Variants in CREB5 observed in about 807,000 individuals in gnomAD.
The protein encoded by CREB5 is cyclic AMP-responsive element-binding protein 5.
Under a neutral mutation model 57.1 loss-of-function variants are expected in CREB5, and 19 were observed. The ratio of observed to expected loss-of-function variants is 0.33; its 90% CI spans 0.23 to 0.49. The LOEUF (loss-of-function observed/expected upper bound fraction) is 0.49, where lower values mean the gene tolerates loss of function less well. Among genes scored for constraint, CREB5 ranks in the 20% least tolerant of loss-of-function variants. The probability of loss-of-function intolerance (pLI) is 0.99; values close to 1 mark genes in which losing one functional copy is unlikely to be tolerated. For missense variants in CREB5, 579 were observed against 671.6 expected (o/e 0.86, Z 1.52); for synonymous variants, 238 against 238.3 (o/e 1.00, Z 0.01).
chr7:28,668,112 T>G (rs900159265), intron 5 of CREB5, among the ~76,000 whole-genome samples: 1 of 152,168 alleles, frequency 6.6e-6, no homozygotes, highest in Non-Finnish European at 1.5e-5. Flanking sequence ...TTTAAGTCTC[T>G]TATAAACTCT....
At chr7:28,505,861 C>T (rs1053949241) in intron 3 of CREB5, among the ~76,000 whole-genome samples, 2 of 152,176 alleles carry the variant, frequency 1.3e-5, no homozygotes, top group African/African-American at 4.8e-5. Flanking sequence ...TATAAACACA[C>T]AATAGTTATA....
intron 7 of CREB5, among the ~76,000 whole-genome samples, chr7:28,800,851 GA>G (rs1401576108): frequency 1.3e-5 from 2 of 152,160 alleles, no homozygotes; most frequent in Non-Finnish European, 2.9e-5. Flanking sequence ...TGATGATGGG[GA>G]GGTGGCAAAA....
intron 5 of CREB5, among the ~76,000 whole-genome samples, chr7:28,701,894 G>A (rs1189535104): frequency 6.6e-6 from 1 of 152,174 alleles, no homozygotes; most frequent in Non-Finnish European, 1.5e-5. Context: ...TAATAAAGAT[G>A]TGGAATTCAT....
At chr7:28,368,043 T>C (rs971624663) in intron 1 of CREB5, among the ~76,000 whole-genome samples, 3 of 152,180 alleles carry the variant, frequency 2.0e-5, no homozygotes, top group Admixed American at 6.5e-5. Context: ...TCTTTTCATA[T>C]TGTCAGTTGG....
intron 5 of CREB5, among the ~76,000 whole-genome samples, chr7:28,633,155 C>G (rs913092794): frequency 6.6e-6 from 1 of 152,128 alleles, no homozygotes. Flanking sequence ...CACAGAGAAG[C>G]AAAACAATTT....
rs1348567824 is a variant in CREB5, at chr7:28,624,497, C to A, written c.464+53960C>A. 2.0e-5 allele frequency among the ~76,000 whole-genome samples: 3 copies of A among 151,938 alleles called. No homozygotes were observed. The East Asian group carries it at 5.8e-4, about 29-fold the overall frequency. On this transcript the variant is annotated intron_variant, in intron 5 of 10. Coordinates refer to ENST00000357727, the MANE Select transcript of CREB5 (RefSeq NM_182898.4). ...AATTTAAAAAAGTTGAATTTCATAC[C>A]ATAGGTAGCCAACATTTTTAAAGAT... is the stretch of plus-strand genomic sequence containing the variant.
chr7:28,678,030 A>G (rs187165692), intron 5 of CREB5, among the ~76,000 whole-genome samples: 12 of 152,350 alleles, frequency 7.9e-5, no homozygotes, highest in South Asian at 2.1e-4. Context: ...GAAATTTAGA[A>G]TCTTTTTACT....
At chr7:28,407,239 G>A (rs1156797003) in intron 1 of CREB5, among the ~76,000 whole-genome samples, 9 of 152,074 alleles carry the variant, frequency 5.9e-5, no homozygotes, top group Middle Eastern at 3.4e-3. Context: ...CAGTAGAGAC[G>A]GGCGTTTCAC....
intron 7 of CREB5, among the ~76,000 whole-genome samples, chr7:28,775,138 T>C (rs1007860678): frequency 1.3e-5 from 2 of 152,176 alleles, no homozygotes; most frequent in African/African-American, 4.8e-5. Context: ...TAAAATACGT[T>C]GTGTGGCTTA....
At chr7:28,494,648 T>A (rs80342595) in intron 2 of CREB5, among the ~76,000 whole-genome samples, 1 of 152,198 alleles carries the variant, frequency 6.6e-6, no homozygotes, top group Non-Finnish European at 1.5e-5. Flanking sequence ...TTAACCCCTT[T>A]GGTAAACTTT....
Position 28,354,855 on chromosome 7 carries a change from G to T in CREB5, c.-25+55414G>T, listed in dbSNP as rs190910829. Among the ~76,000 whole-genome samples, 251 of 152,314 alleles carry T rather than the reference G, an allele frequency of 1.6e-3. 1 individual carries two copies. The highest frequency in any genetic ancestry group is 5.6e-3 in the African/African-American group (232 of 41,568). ...AGCTCACTAGGAGGCTGTGTAAGAAGCTGACATCTGGACCCATCTTTTAAC... is the reference window on the plus strand; with the variant it reads ...AGCTCACTAGGAGGCTGTGTAAGAATCTGACATCTGGACCCATCTTTTAAC... On this transcript the variant is annotated intron_variant, in intron 1 of 9. Coordinates refer to the CREB5 transcript ENST00000396299.
chr7:28,673,258 G>C (rs1327978836), intron 5 of CREB5, among the ~76,000 whole-genome samples: 2 of 152,146 alleles, frequency 1.3e-5, no homozygotes, highest in African/African-American at 4.8e-5. Context: ...CTAACACAAT[G>C]GCTATCATCA....
intron 5 of CREB5, among the ~76,000 whole-genome samples, chr7:28,595,071 G>A (rs1562518245): frequency 6.6e-6 from 1 of 152,156 alleles, no homozygotes; most frequent in Non-Finnish European, 1.5e-5. Context: ...TGCAATGTCT[G>A]TGTTTTCCTC....
chr7:28,658,490 C>T (rs746366645), intron 5 of CREB5, among the ~76,000 whole-genome samples: 97 of 152,190 alleles, frequency 6.4e-4, no homozygotes, highest in Non-Finnish European at 5.6e-4. Flanking sequence ...TTCTGTTCTG[C>T]ACATGCAGCA....
intron 1 of CREB5, among the ~76,000 whole-genome samples, chr7:28,383,587 G>A (rs1200448928): frequency 6.6e-6 from 1 of 152,182 alleles, no homozygotes; most frequent in Non-Finnish European, 1.5e-5. Context: ...GAAAGCAGGA[G>A]CAAGGGTGGG....
At chr7:28,688,760 C>G (rs981737615) in intron 5 of CREB5, among the ~76,000 whole-genome samples, 11 of 152,132 alleles carry the variant, frequency 7.2e-5, no homozygotes, top group African/African-American at 2.4e-4. Flanking sequence ...TTACCCAGAG[C>G]TAAAATGAAA....
At chr7:28,688,542 A>G (rs1452232235) in intron 5 of CREB5, among the ~76,000 whole-genome samples, 4 of 152,266 alleles carry the variant, frequency 2.6e-5, no homozygotes, top group Non-Finnish European at 5.9e-5. Flanking sequence ...AAAGATCATG[A>G]AAAGCAAAAC....
intron 1 of CREB5, among the ~76,000 whole-genome samples, chr7:28,301,113 T>A (rs982128176): frequency 3.9e-5 from 6 of 152,222 alleles, no homozygotes; most frequent in African/African-American, 1.4e-4. Flanking sequence ...TGTAGACAGA[T>A]TTGAGAACCA....
At chr7:28,468,710 C>G (rs1300919999) in intron 1 of CREB5, among the ~76,000 whole-genome samples, 1 of 152,216 alleles carries the variant, frequency 6.6e-6, no homozygotes, top group African/African-American at 2.4e-5. Context: ...TGTCTGCCTG[C>G]CTTGAAGGCC....
Sources: gnomAD v4.1 joint callset for allele counts (sites outside exome capture counted in the v4.1 genomes callset) on GRCh38, gnomAD v4.1.1 for gene constraint, MANE v1.5 for transcripts, NCBI Gene and HGNC (gene_info 2026-07-23, HGNC 2026-07-21) for gene names.